PDE4D: variants seen among roughly 807,000 people sequenced by gnomAD.
The protein encoded by PDE4D is 3',5'-cyclic-AMP phosphodiesterase 4D.
PDE4D carries 24 observed loss-of-function variants against 87.4 expected under a neutral mutation model. That is an observed-to-expected ratio of 0.27 (90% CI 0.20 to 0.39). PDE4D has a LOEUF of 0.39. PDE4D is among the 10% of genes least tolerant of loss of function. The pLI is 1.00. For missense variants in PDE4D, 714 were observed against 1,041.0 expected, an observed-to-expected ratio of 0.69 and a Z score of 4.32; for synonymous variants, 384 against 383.2, an observed-to-expected ratio of 1.00 and a Z score of -0.02.
Position 59,205,032 on chromosome 5 carries a change from A to G in PDE4D, c.647+10745T>C, listed in dbSNP as rs154223. Among the ~76,000 whole-genome samples, 5,581 of 152,266 alleles carry G rather than the reference A, an allele frequency of 0.037. 584 individuals are homozygous for G. The East Asian group carries it at 0.37, about 10-fold the overall frequency. On this transcript the variant is annotated intron_variant, in intron 2 of 14. Coordinates refer to ENST00000340635, the MANE Select transcript of PDE4D (RefSeq NM_001104631.2). ...AATGGATGCTCATATTCCCATTCTA[A>G]CATAAGGAACTAGGCCCTGACAACT...
chr5:59,791,740 T>C (rs1225318918), intron 1 of PDE4D, among the ~76,000 whole-genome samples: 1 of 152,184 alleles, frequency 6.6e-6, no homozygotes, highest in Non-Finnish European at 1.5e-5. Flanking sequence ...GTTACAGGTC[T>C]AGGAGGGAGC....
At chr5:60,478,670 A>G (rs1223980587) in intron 1 of PDE4D, among the ~76,000 whole-genome samples, 1 of 152,136 alleles carries the variant, frequency 6.6e-6, no homozygotes, top group Non-Finnish European at 1.5e-5. Context: ...TTTTCTTTGC[A>G]TATTTCCCAG....
chr5:60,012,398 A>C (rs1233709130), intron 2 of PDE4D, among the ~76,000 whole-genome samples: 3 of 152,180 alleles, frequency 2.0e-5, no homozygotes, highest in Admixed American at 6.5e-5. Flanking sequence ...CAGAATTTTC[A>C]ATGGAAAACG....
At chr5:59,790,590 C>T (rs1765670869) in intron 1 of PDE4D, among the ~76,000 whole-genome samples, 1 of 152,176 alleles carries the variant, frequency 6.6e-6, no homozygotes, top group Non-Finnish European at 1.5e-5. Flanking sequence ...GACCAGCTAA[C>T]TCACCTCAGA....
At chr5:59,335,178 A>G (rs1032525084) in intron 1 of PDE4D, among the ~76,000 whole-genome samples, 5 of 152,142 alleles carry the variant, frequency 3.3e-5, no homozygotes, top group African/African-American at 1.2e-4. Flanking sequence ...CCATGTCGGT[A>G]TGTTTACCAC....
intron 1 of PDE4D, among the ~76,000 whole-genome samples, chr5:59,637,061 A>G (rs965748769): frequency 6.6e-6 from 1 of 152,178 alleles, no homozygotes; most frequent in African/African-American, 2.4e-5. Flanking sequence ...AGAAACAAAC[A>G]ACCCCATCAA....
At chr5:59,576,917 G>A (rs1245867803) in intron 1 of PDE4D, among the ~76,000 whole-genome samples, 1 of 152,056 alleles carries the variant, frequency 6.6e-6, no homozygotes, top group East Asian at 1.9e-4. Context: ...ACTTGTAAGA[G>A]GTCTCTTTCA....
chr5:59,486,404 C>A (rs934547068), intron 1 of PDE4D, among the ~76,000 whole-genome samples: 1 of 152,128 alleles, frequency 6.6e-6, no homozygotes, highest in Non-Finnish European at 1.5e-5. Context: ...CTTAACTACT[C>A]CTGCTCTAAC....
At chr5:59,845,574 C>A (rs1271305741) in intron 1 of PDE4D, among the ~76,000 whole-genome samples, 5 of 152,058 alleles carry the variant, frequency 3.3e-5, no homozygotes, top group Non-Finnish European at 7.4e-5. Context: ...ACAATGCAAA[C>A]TTAAATTTAG....
At chr5:60,144,996 A>T (rs746537199) in intron 2 of PDE4D, among the ~76,000 whole-genome samples, 1 of 152,246 alleles carries the variant, frequency 6.6e-6, no homozygotes, top group Non-Finnish European at 1.5e-5. Context: ...TGGAATGGAT[A>T]TCTAAAGAGG....
intron 1 of PDE4D, among the ~76,000 whole-genome samples, chr5:60,360,536 C>A (rs1320282673): frequency 6.6e-6 from 1 of 152,174 alleles, no homozygotes; most frequent in Non-Finnish European, 1.5e-5. Flanking sequence ...GAAGGGAAAA[C>A]GTGGGGAACT....
At chr5:59,682,908 C>T (rs1022881640) in intron 1 of PDE4D, among the ~76,000 whole-genome samples, 7 of 152,058 alleles carry the variant, frequency 4.6e-5, no homozygotes, top group African/African-American at 1.2e-4. Context: ...TAGTCTTTCA[C>T]GAAGACTCAG....
At chr5:59,608,882 C>T (rs370196354) in intron 1 of PDE4D, among the ~76,000 whole-genome samples, 8 of 152,178 alleles carry the variant, frequency 5.3e-5, no homozygotes, top group South Asian at 2.1e-4. Context: ...CTTTTGTCTC[C>T]GTCTCTGTCT....
At chr5:59,481,923 C>A (rs1416018659) in intron 1 of PDE4D, among the ~76,000 whole-genome samples, 1 of 151,960 alleles carries the variant, frequency 6.6e-6, no homozygotes, top group Non-Finnish European at 1.5e-5. Flanking sequence ...AAAAAAAAAT[C>A]TTTGGCATAG....
At chr5:60,379,191 G>A (rs201261163) in intron 1 of PDE4D, among the ~76,000 whole-genome samples, 96 of 146,670 alleles carry the variant, frequency 6.5e-4, no homozygotes, top group Non-Finnish European at 8.4e-4. Flanking sequence ...ACCAGGAAAA[G>A]AAAAAAAAAA....
chr5:59,417,372 T>C (rs765548183), intron 1 of PDE4D, among the ~76,000 whole-genome samples: 11 of 152,042 alleles, frequency 7.2e-5, no homozygotes, highest in Non-Finnish European at 1.3e-4. Context: ...ACAGCTTCAA[T>C]AAAATACCCA....
rs868286092 is a variant in PDE4D at position 59,651,223 on chromosome 5, T to C, written c.455+241945A>G. On this transcript the variant is annotated intron_variant, in intron 1 of 14. Transcript: ENST00000340635. ...GTGAGCCGAGATCGCGCCACTGCAC[T>C]CCAGCCTGGGCAACAGAGTGAGACT... is the stretch of plus-strand genomic sequence containing the variant. 4.5e-4 allele frequency among the ~76,000 whole-genome samples: 67 copies of C among 149,700 alleles called. 1 individual carries two copies. Among genetic ancestry groups the C allele is most frequent in the Middle Eastern group, 3.5e-3 (1 of 282 alleles).
chr5:59,422,111 T>A (rs1182847432), intron 1 of PDE4D, among the ~76,000 whole-genome samples: 1 of 152,186 alleles, frequency 6.6e-6, no homozygotes, highest in African/African-American at 2.4e-5. Flanking sequence ...GTCTGAGCGT[T>A]TGGAGAATAT....
chr5:59,427,302 CACA>C (rs1795412990), intron 1 of PDE4D, among the ~76,000 whole-genome samples: 1 of 140,842 alleles, frequency 7.1e-6, no homozygotes, highest in Non-Finnish European at 1.5e-5. Context: ...TACACACACA[CACA>C]CACACACACA....
Sources: gnomAD v4.1 joint callset for allele counts (sites outside exome capture counted in the v4.1 genomes callset) on GRCh38, gnomAD v4.1.1 for gene constraint, MANE v1.5 for transcripts, NCBI Gene and HGNC (gene_info 2026-07-23, HGNC 2026-07-21) for gene names.